The following CREB3L1 variants were observed in gnomAD, a reference collection of about 807,000 sequenced individuals.
The protein encoded by CREB3L1 is cyclic AMP-responsive element-binding protein 3-like protein 1.
In CREB3L1, 33 loss-of-function variants were observed where a neutral mutation model predicts 54.5. The ratio of observed to expected loss-of-function variants is 0.61; its 90% CI spans 0.46 to 0.81. The LOEUF (loss-of-function observed/expected upper bound fraction) is 0.81, where lower values mean the gene tolerates loss of function less well. Among genes scored for constraint, CREB3L1 ranks in the 30% least tolerant of loss-of-function variants. The probability of loss-of-function intolerance (pLI) is 0.00; values close to 1 mark genes in which losing one functional copy is unlikely to be tolerated. For missense variants in CREB3L1, 656 were observed against 673.3 expected (o/e 0.97, Z 0.29); for synonymous variants, 284 against 286.4 (o/e 0.99, Z 0.08).
intron 1 of CREB3L1, among the ~76,000 whole-genome samples, chr11:46,284,299 G>T (rs530033379): frequency 4.6e-5 from 7 of 152,162 alleles, no homozygotes; most frequent in Admixed American, 2.0e-4. Flanking sequence ...TTCTCAGAAG[G>T]TGATCTCTGC....
At chr11:46,312,524 T>C (rs1484114983) in intron 6 of CREB3L1, 50 bp downstream of exon 6, 25 of 1,608,500 alleles carry the variant, frequency 1.6e-5, no homozygotes, top group Non-Finnish European at 2.1e-5. Flanking sequence ...GTGGGTGGGC[T>C]CCCCTGGCAT....
At chr11:46,289,018 T>C (rs1939096020) in intron 1 of CREB3L1, among the ~76,000 whole-genome samples, 1 of 152,192 alleles carries the variant, frequency 6.6e-6, no homozygotes, top group African/African-American at 2.4e-5. Flanking sequence ...GCTGTTATTA[T>C]ATTATGATCA....
intron 1 of CREB3L1, among the ~76,000 whole-genome samples, chr11:46,283,358 A>G (rs566736966): frequency 1.3e-5 from 2 of 152,356 alleles, no homozygotes; most frequent in East Asian, 1.9e-4. Flanking sequence ...AAAGCAGACC[A>G]AACAGAAAGA....
chr11:46,310,181 A>G, intron 4 of CREB3L1, 114 bp downstream of exon 4: 1 of 741,062 alleles, frequency 1.3e-6, no homozygotes, highest in South Asian at 1.6e-5. Context: ...CACCCAGAAT[A>G]TCCTCTCCAC....
chr11:46,280,624 G>T (rs962468770), intron 1 of CREB3L1, among the ~76,000 whole-genome samples: 1 of 152,174 alleles, frequency 6.6e-6, no homozygotes, highest in African/African-American at 2.4e-5. Flanking sequence ...GGCATGTAAC[G>T]TTCATCGTTG....
intron 2 of CREB3L1, among the ~76,000 whole-genome samples, chr11:46,301,560 G>A (rs564118281): frequency 6.6e-6 from 1 of 152,152 alleles, no homozygotes; most frequent in East Asian, 1.9e-4. Flanking sequence ...GTACTTGGAA[G>A]GCTGAGGCAG....
At chr11:46,282,776 G>A (rs754186835) in intron 1 of CREB3L1, among the ~76,000 whole-genome samples, 1 of 152,232 alleles carries the variant, frequency 6.6e-6, no homozygotes, top group Non-Finnish European at 1.5e-5. Context: ...AGTTCCATAA[G>A]AGGAGAGTCC....
Position 46,300,015 on chromosome 11 carries a change from C to T in CREB3L1, c.183C>T (p.Asp61=), listed in dbSNP as rs754414740. The change falls in exon 2 of 12, where the codon GAC becomes GAT. Residue 61 remains aspartate, a synonymous_variant. Coordinates refer to ENST00000621158, the MANE Select transcript of CREB3L1 (RefSeq NM_052854.4). Reference sequence around the variant, plus strand: ...ACCTGTTCAGCAGCTTCTTTGATGACCCTGTGCTGGATGAGAAGAGCCCTC... The same window carrying T: ...ACCTGTTCAGCAGCTTCTTTGATGATCCTGTGCTGGATGAGAAGAGCCCTC... ...SNDLFSSFFD[D]PVLDEKSPLL... The T allele has an allele frequency of 5.6e-6, 9 of 1,614,004 alleles. No individual in the cohort carries two copies. Among genetic ancestry groups the T allele is most frequent in the Non-Finnish European group, 7.6e-6 (9 of 1,179,874 alleles).
At chr11:46,279,252 C>T (rs529479944) in intron 1 of CREB3L1, among the ~76,000 whole-genome samples, 1 of 152,230 alleles carries the variant, frequency 6.6e-6, no homozygotes, top group South Asian at 2.1e-4. Flanking sequence ...CCAAGATAAA[C>T]TTGGCCAGGC....
intron 10 of CREB3L1, among the ~76,000 whole-genome samples, chr11:46,319,335 G>A (rs1307849716): frequency 1.3e-5 from 2 of 152,188 alleles, no homozygotes; most frequent in South Asian, 2.1e-4. Flanking sequence ...ACCTGGGTTC[G>A]CATCCTCCCT....
intron 1 of CREB3L1, among the ~76,000 whole-genome samples, chr11:46,299,299 C>T (rs961654018): frequency 3.3e-5 from 5 of 152,026 alleles, no homozygotes; most frequent in African/African-American, 1.2e-4. Context: ...AGTAGGGCTC[C>T]GGAGCCTAAC....
intron 1 of CREB3L1, among the ~76,000 whole-genome samples, chr11:46,296,912 G>A (rs955975419): frequency 2.0e-5 from 3 of 152,138 alleles, no homozygotes; most frequent in Non-Finnish European, 4.4e-5. Flanking sequence ...ACCCTAAAAG[G>A]GTCTCTGGGA....
chr11:46,319,301 G>A (rs1276398364), intron 10 of CREB3L1, among the ~76,000 whole-genome samples: 1 of 152,208 alleles, frequency 6.6e-6, no homozygotes, highest in Non-Finnish European at 1.5e-5. Context: ...AGCCGGAGGG[G>A]CAGCAGATCC....
Position 46,278,258 on chromosome 11 carries a change from T to C in CREB3L1, c.102+45T>C. On this transcript the variant is annotated intron_variant, in intron 1 of 11. Transcript: ENST00000621158. The surrounding 1 kb of genome is among the most constrained non-coding windows in gnomAD (Gnocchi z 4.2). ...TTCCCGTTCCACCCCTCGGCACCCG[T>C]CCTCGCGGCGCGCCTGGGCCCCTAG... is the stretch of plus-strand genomic sequence containing the variant. 7.4e-7 allele frequency: 1 copy of C among 1,343,770 alleles called. No homozygotes were observed. The allele number at this position is 1,343,770 out of a possible 1,614,324, so 83.2% of individuals were successfully genotyped here. A position where few individuals can be genotyped will look rare whatever the true frequency, so the allele number is the denominator to read the frequency against.
rs377186805 is a variant in CREB3L1 at position 46,312,595 on chromosome 11, C to T, written c.904-17C>T. The T allele has an allele frequency of 5.5e-5, 89 of 1,609,572 alleles. No individual in the cohort carries two copies. The highest frequency in any genetic ancestry group is 6.7e-5 in the Non-Finnish European group (79 of 1,177,956). On this transcript the variant is annotated splice_polypyrimidine_tract_variant and intron_variant, in intron 6 of 11. Coordinates refer to ENST00000621158, the MANE Select transcript of CREB3L1 (RefSeq NM_052854.4). ...ATGTGGCAGTGCTAACCCTTGTTTT[C>T]GGGCCTCCCCCTCTAGATCTCAGCC...
intron 1 of CREB3L1, among the ~76,000 whole-genome samples, chr11:46,286,872 C>T (rs933444073): frequency 6.6e-6 from 1 of 152,200 alleles, no homozygotes; most frequent in Non-Finnish European, 1.5e-5. Flanking sequence ...TTCTGAATAT[C>T]TTGGTCTCTC....
At chr11:46,288,692 C>A (rs530911762) in intron 1 of CREB3L1, among the ~76,000 whole-genome samples, 19 of 152,212 alleles carry the variant, frequency 1.2e-4, no homozygotes, top group African/African-American at 4.6e-4. Flanking sequence ...CAGGATGAAC[C>A]CAGTGTGTGG....
Position 46,317,404 on chromosome 11 carries a change from C to T in CREB3L1, c.1175C>T (p.Pro392Leu), listed in dbSNP as rs1055813238. Residue 392 changes from proline (P) to leucine (L), a missense_variant, in exon 10 of 12, where the codon CCC becomes CTC. Transcript: ENST00000621158. ...GTTCTGGTGCTGGGCTCCCTCGTGC[C>T]CTGCCTTCCCGAGTTCTCCTCCGGC... ...CFVLVLGSLV[P>L]CLPEFSSGSQ... is the part of the protein sequence containing the mutation. 6 of 1,613,746 alleles carry T rather than the reference C, an allele frequency of 3.7e-6. No homozygotes were observed. The highest frequency in any genetic ancestry group is 5.1e-6 in the Non-Finnish European group (6 of 1,179,892).
In CREB3L1 at chr11:46,312,605, C is replaced by T; in HGVS notation, c.904-7C>T. On this transcript the variant is annotated splice_region_variant and splice_polypyrimidine_tract_variant and intron_variant, in intron 6 of 11. Coordinates refer to ENST00000621158, the MANE Select transcript of CREB3L1 (RefSeq NM_052854.4). ...GCTAACCCTTGTTTTCGGGCCTCCCCCTCTAGATCTCAGCCCAGGAGAGCC... is the reference window on the plus strand; with the variant it reads ...GCTAACCCTTGTTTTCGGGCCTCCCTCTCTAGATCTCAGCCCAGGAGAGCC... The T allele has an allele frequency of 1.2e-6, 2 of 1,611,154 alleles. No individual in the cohort carries two copies. Among genetic ancestry groups the T allele is most frequent in the Non-Finnish European group, 8.5e-7 (1 of 1,178,652 alleles).
Sources: gnomAD v4.1 joint callset for allele counts (sites outside exome capture counted in the v4.1 genomes callset) on GRCh38, gnomAD v4.1.1 for gene constraint, Gnocchi (gnomAD v3.1) non-coding constraint, MANE v1.5 for transcripts, NCBI Gene and HGNC (gene_info 2026-07-23, HGNC 2026-07-21) for gene names.